The following HBM variants were observed in gnomAD, a reference collection of about 807,000 sequenced individuals.
The protein encoded by HBM is hemoglobin subunit mu, also known as alpha globin pseudogene 2.
In HBM, 9 loss-of-function variants were observed where a neutral mutation model predicts 12.8. The observed-to-expected ratio is 0.70, with a 90% CI of 0.42 to 1.23. The LOEUF (loss-of-function observed/expected upper bound fraction) is 1.23, where lower values mean the gene tolerates loss of function less well. Ranked by LOEUF, HBM falls within the 50% of genes most tolerant of loss-of-function variation. The pLI is 0.00. For synonymous variants in HBM, 100 were observed against 92.0 expected (o/e 1.09, Z -0.50); for missense variants, 214 against 195.4 (o/e 1.10, Z -0.57).
chr16:166,703 C>A lies in HBM; in HGVS notation c.421C>A (p.Arg141Ser). ...GVAVVLTEKYR is the reference protein window; with the variant it reads ...GVAVVLTEKYS Reference sequence around the variant, plus strand: ...GGCCGTGGTGCTGACCGAAAAATACCGCTGAGCCCTGTGCTGCGCAGGCCT... The same window carrying A: ...GGCCGTGGTGCTGACCGAAAAATACAGCTGAGCCCTGTGCTGCGCAGGCCT... The change falls in exon 3 of 3, where the codon CGC becomes AGC. Residue 141 changes from arginine to serine, a missense_variant. By Grantham distance (110) the Arg-to-Ser change is moderately radical (BLOSUM62 -1). Transcript: ENST00000356815. 2 of 1,614,042 alleles carry A rather than the reference C, an allele frequency of 1.2e-6. No individual in the cohort carries two copies. Among genetic ancestry groups the A allele is most frequent in the African/African-American group, 1.3e-5 (1 of 75,062 alleles).
intron 1 of HBM, 39 bp from the exon 2 acceptor site, chr16:166,228 GC>G (rs1567161554): frequency 6.5e-7 from 1 of 1,531,672 alleles, no homozygotes; most frequent in South Asian, 1.2e-5. Flanking sequence ...GAAGCCCCAC[GC>G]AGCCGCCCTC....
In HBM at chr16:166,653, C is replaced by G. The variant is rs1374527111; in HGVS notation, c.371C>G (p.Ala124Gly). ...GAGTTCACCGTGCAAATGCAAGCGG[C>G]GTGGGACAAGTTCCTGACTGGTGTG... ...QDEFTVQMQA[A>G]WDKFLTGVAV... Residue 124 changes from alanine (A) to glycine (G), a missense_variant, in exon 3 of 3, where the codon GCG (alanine) becomes GGG (glycine). Coordinates refer to ENST00000356815, the MANE Select transcript of HBM (RefSeq NM_001003938.4). The G allele has an allele frequency of 1.2e-6, 2 of 1,614,118 alleles. No homozygotes were observed. Among genetic ancestry groups the G allele is most frequent in the Non-Finnish European group, 1.7e-6 (2 of 1,179,998 alleles).
chr16:166,579 G>C lies in HBM; in HGVS notation c.298-1G>C, dbSNP rs759947842. On this transcript the variant is annotated splice_acceptor_variant, in intron 2 of 2. Transcript: ENST00000356815. LOFTEE classifies it high-confidence loss of function. ...CGTCTCACCGGCCCCTTCTCCTGCAGCTGCTAATCCAGTGTTTCCACGTCG... is the reference window on the plus strand; with the variant it reads ...CGTCTCACCGGCCCCTTCTCCTGCACCTGCTAATCCAGTGTTTCCACGTCG... 1.2e-6 allele frequency: 2 copies of C among 1,613,138 alleles called. No individual in the cohort carries two copies. The highest frequency in any genetic ancestry group is 4.5e-5 in the East Asian group (2 of 44,834).
intron 1 of HBM, 62 bp downstream of exon 1, chr16:166,151 G>T: frequency 6.7e-7 from 1 of 1,483,834 alleles, no homozygotes. Context: ...TGGGCGCGTG[G>T]GCCGCCAACG....
chr16:166,407 G>A lies in HBM; in HGVS notation c.232G>A (p.Ala78Thr), dbSNP rs1419128200. The change falls in exon 2 of 3, where the codon GCC (alanine) becomes ACC (threonine). Residue 78 changes from alanine (A) to threonine (T), a missense_variant. Transcript: ENST00000356815. ...AAVQHVDNLRAALSPLADLHA... is the reference protein window; with the variant it reads ...AAVQHVDNLRTALSPLADLHA... ...GGTGCAGCACGTGGACAACCTGCGC[G>A]CCGCGCTGAGCCCGCTGGCGGACCT... 6.4e-7 allele frequency: 1 copy of A among 1,559,150 alleles called. No homozygotes were observed. The highest frequency in any genetic ancestry group is 1.9e-5 in the Admixed American group (1 of 53,812).
chr16:166,690 G>C lies in HBM; in HGVS notation c.408G>C (p.Leu136=), dbSNP rs752000021. 1 of 1,613,990 alleles carries C rather than the reference G, an allele frequency of 6.2e-7. No individual in the cohort carries two copies. The highest frequency in any genetic ancestry group is 1.3e-5 in the African/African-American group (1 of 74,936). The change falls in exon 3 of 3, where the codon CTG becomes CTC. Residue 136 remains leucine, a synonymous_variant. Coordinates refer to ENST00000356815, the MANE Select transcript of HBM (RefSeq NM_001003938.4). The part of the protein sequence containing the change: ...DKFLTGVAVV[L]TEKYR Reference sequence around the variant, plus strand: ...TCCTGACTGGTGTGGCCGTGGTGCTGACCGAAAAATACCGCTGAGCCCTGT... The same window carrying C: ...TCCTGACTGGTGTGGCCGTGGTGCTCACCGAAAAATACCGCTGAGCCCTGT...
chr16:166,721 G>A lies in HBM; in HGVS notation c.*13G>A, dbSNP rs373952261. The A allele has an allele frequency of 3.4e-4, 547 of 1,613,332 alleles. 1 individual carries two copies. Among genetic ancestry groups the A allele is most frequent in the Non-Finnish European group, 4.5e-4 (533 of 1,179,712 alleles). On this transcript the variant is annotated 3_prime_UTR_variant, in exon 3 of 3. Transcript: ENST00000356815. ...AAAATACCGCTGAGCCCTGTGCTGC[G>A]CAGGCCTTGGTCTGTGCCTGTCAAT... is the stretch of plus-strand genomic sequence containing the variant.
rs376289627 is a variant in HBM, at chr16:166,710, C to T, written c.*2C>T. ...GTGCTGACCGAAAAATACCGCTGAGCCCTGTGCTGCGCAGGCCTTGGTCTG... is the reference window on the plus strand; with the variant it reads ...GTGCTGACCGAAAAATACCGCTGAGTCCTGTGCTGCGCAGGCCTTGGTCTG... On this transcript the variant is annotated 3_prime_UTR_variant, in exon 3 of 3. Transcript: ENST00000356815. The T allele has an allele frequency of 4.2e-5, 68 of 1,613,820 alleles. No homozygotes were observed. The highest frequency in any genetic ancestry group is 3.6e-4 in the East Asian group (16 of 44,866).
chr16:166,212 G>C, intron 1 of HBM, 56 bp from the exon 2 acceptor site: 1 of 1,494,640 alleles, frequency 6.7e-7, no homozygotes, highest in Non-Finnish European at 9.1e-7. Context: ...CGGTGTGGGC[G>C]CTAGTGAAGC....
In HBM at chr16:166,042, C is replaced by A. The variant is rs143256173; in HGVS notation, c.45C>A (p.Asp15Glu). The A allele has an allele frequency of 1.3e-3, 2,056 of 1,601,940 alleles. 21 individuals carry two copies. The African/African-American group carries it at 0.024, about 19-fold the overall frequency. The change falls in exon 1 of 3, where the codon GAC becomes GAA. Residue 15 changes from aspartate (D) to glutamate (E), a missense_variant. By Grantham distance (45) the Asp-to-Glu change is conservative. Transcript: ENST00000356815. ...GCGCCCAAATCGCGCAGGTCTGGGA[C>A]CTGATTGCGGGCCACGAGGCGCAAT... is the stretch of plus-strand genomic sequence containing the variant. ...QERAQIAQVW[D>E]LIAGHEAQFG...
rs1901910532 is a variant in HBM at position 166,323 on chromosome 16, C to T, written c.148C>T (p.Gln50Ter). 1.3e-6 allele frequency: 2 copies of T among 1,595,256 alleles called. No individual in the cohort carries two copies. The highest frequency in any genetic ancestry group is 1.7e-6 in the Non-Finnish European group (2 of 1,178,624). Reference protein sequence around the residue: ...KVYFPHLSACQDATQLLSHGQ... With the variant: ...KVYFPHLSAC Reference sequence around the variant, plus strand: ...CTACTTCCCGCACCTGAGCGCCTGCCAGGACGCGACGCAGCTGCTGAGCCA... The same window carrying T: ...CTACTTCCCGCACCTGAGCGCCTGCTAGGACGCGACGCAGCTGCTGAGCCA... Residue 50 changes from glutamine to a stop codon, truncating the protein, a stop_gained, in exon 2 of 3, where the codon CAG becomes TAG. Transcript: ENST00000356815. LOFTEE classifies it high-confidence loss of function.
chr16:166,759 G>T lies in HBM; in HGVS notation c.*51G>T. ...TGTGCCTGTCAATAAACAGAGGCCCGAACCATCTGCCCCTGCCTGTGTGGT... is the reference window on the plus strand; with the variant it reads ...TGTGCCTGTCAATAAACAGAGGCCCTAACCATCTGCCCCTGCCTGTGTGGT... On this transcript the variant is annotated 3_prime_UTR_variant, in exon 3 of 3. Coordinates refer to ENST00000356815, the MANE Select transcript of HBM (RefSeq NM_001003938.4). 2 of 1,600,312 alleles carry T rather than the reference G, an allele frequency of 1.2e-6. No individual in the cohort carries two copies. The highest frequency in any genetic ancestry group is 1.1e-5 in the South Asian group (1 of 89,426).
intron 2 of HBM, 49 bp downstream of exon 2, chr16:166,521 G>C: frequency 6.3e-7 from 1 of 1,582,144 alleles, no homozygotes; most frequent in Non-Finnish European, 8.6e-7. Context: ...GCCGGGGTGG[G>C]GGGGCTCTGG....
intron 1 of HBM, 57 bp from the exon 2 acceptor site, chr16:166,211 C>T: frequency 1.3e-6 from 2 of 1,487,454 alleles, no homozygotes; most frequent in Admixed American, 3.8e-5. Context: ...GCGGTGTGGG[C>T]GCTAGTGAAG....
At chr16:166,229 C>A (rs1360467103) in intron 1 of HBM, 39 bp from the exon 2 acceptor site, 4 of 1,537,536 alleles carry the variant, frequency 2.6e-6, no homozygotes, top group Non-Finnish European at 3.5e-6. Flanking sequence ...AAGCCCCACG[C>A]AGCCGCCCTC....
Position 166,612 on chromosome 16 carries a change from C to T in HBM, c.330C>T (p.Ala110=), listed in dbSNP as rs1901918688. 6.2e-7 allele frequency: 1 copy of T among 1,613,912 alleles called. No homozygotes were observed. The highest frequency in any genetic ancestry group is 1.1e-5 in the South Asian group (1 of 91,050). Residue 110 remains alanine, a synonymous_variant, in exon 3 of 3, where the codon GCC becomes GCT. Coordinates refer to ENST00000356815, the MANE Select transcript of HBM (RefSeq NM_001003938.4). ...TCCAGTGTTTCCACGTCGTGCTGGC[C>T]TCCCACCTGCAGGACGAGTTCACCG... is the stretch of plus-strand genomic sequence containing the variant. The part of the protein sequence containing the change: ...LLIQCFHVVL[A]SHLQDEFTVQ...
In HBM at chr16:166,567, C is replaced by T. The variant is rs770885537; in HGVS notation, c.298-13C>T. On this transcript the variant is annotated splice_polypyrimidine_tract_variant and intron_variant, in intron 2 of 2. Transcript: ENST00000356815. ...CGGGGCAGACCCCGTCTCACCGGCC[C>T]CTTCTCCTGCAGCTGCTAATCCAGT... is the stretch of plus-strand genomic sequence containing the variant. The T allele has an allele frequency of 6.2e-6, 10 of 1,611,640 alleles. No homozygotes were observed. The highest frequency in any genetic ancestry group is 8.5e-6 in the Non-Finnish European group (10 of 1,179,104).
intron 1 of HBM, 46 bp downstream of exon 1, chr16:166,135 G>A: frequency 6.6e-7 from 1 of 1,526,060 alleles, no homozygotes; most frequent in South Asian, 1.2e-5. Flanking sequence ...GTGGAGATGA[G>A]GGTTTTGGGC....
rs561131042 is a variant in HBM at position 166,346 on chromosome 16, C to T, written c.171C>T (p.Ser57=). 104 of 1,593,378 alleles carry T rather than the reference C, an allele frequency of 6.5e-5. 1 individual carries two copies. The East Asian group carries it at 2.3e-3, about 35-fold the overall frequency. ...SACQDATQLL[S]HGQRMLAAVG... ...GCCAGGACGCGACGCAGCTGCTGAGCCACGGGCAGCGCATGCTGGCGGCTG... is the reference window on the plus strand; with the variant it reads ...GCCAGGACGCGACGCAGCTGCTGAGTCACGGGCAGCGCATGCTGGCGGCTG... Residue 57 remains serine (S), a synonymous_variant, in exon 2 of 3, where the codon AGC becomes AGT. Coordinates refer to ENST00000356815, the MANE Select transcript of HBM (RefSeq NM_001003938.4).
Sources: allele counts gnomAD v4.1 joint callset, GRCh38; gene constraint gnomAD v4.1.1; transcripts MANE v1.5; gene names NCBI Gene and HGNC (gene_info 2026-07-23, HGNC 2026-07-21).